The following DNAL1 variants were observed in gnomAD, a reference collection of about 807,000 sequenced individuals.
DNAL1 encodes chromosome 14 open reading frame 168.
In DNAL1, 17 loss-of-function variants were observed where a neutral mutation model predicts 29.4. That is an observed-to-expected ratio of 0.58 (90% CI 0.40 to 0.87). DNAL1 has a LOEUF of 0.87. Among genes scored for constraint, DNAL1 ranks in the 40% least tolerant of loss-of-function variants. DNAL1 has a pLI of 0.00. For missense variants in DNAL1, 188 were observed against 214.1 expected, an observed-to-expected ratio of 0.88 and a Z score of 0.76; for synonymous variants, 78 against 76.3, an observed-to-expected ratio of 1.02 and a Z score of -0.12.
rs1251803582 is a variant in DNAL1 at position 73,698,541 on chromosome 14, T to G, written c.*2599T>G. 6.6e-6 allele frequency: 1 copy of G among 152,220 alleles called. No individual in the cohort carries two copies. Among genetic ancestry groups the G allele is most frequent in the Non-Finnish European group, 1.5e-5 (1 of 68,074 alleles). 9.4% of individuals were successfully genotyped at this position (152,220 alleles called of 1,614,324 possible). On this transcript the variant is annotated 3_prime_UTR_variant, in exon 8 of 8. Transcript: ENST00000553645. ...TTCTGTTTTTTTTTGTTTGTTTGTT[T>G]GTTTGTTTTAAACAGAGTCTCACTC... is the stretch of plus-strand genomic sequence containing the variant.
chr14:73,671,893 G>A (rs1336120805), intron 5 of DNAL1, among the ~76,000 whole-genome samples: 1 of 152,016 alleles, frequency 6.6e-6, no homozygotes, highest in Non-Finnish European at 1.5e-5. Context: ...AATGTGAGAT[G>A]GAACAATAAC....
intron 1 of DNAL1, among the ~76,000 whole-genome samples, chr14:73,645,473 C>A (rs1890957782): frequency 6.6e-6 from 1 of 152,136 alleles, no homozygotes; most frequent in Non-Finnish European, 1.5e-5. Context: ...GTTTTCGTAA[C>A]CTGTGATGTA....
At chr14:73,660,744 A>G (rs1264079501) in intron 3 of DNAL1, among the ~76,000 whole-genome samples, 1 of 152,188 alleles carries the variant, frequency 6.6e-6, no homozygotes, top group East Asian at 1.9e-4. Context: ...TTTTGGCATC[A>G]GGCATGATTT....
At chr14:73,660,041 C>T (rs1264228642) in intron 3 of DNAL1, among the ~76,000 whole-genome samples, 1 of 152,206 alleles carries the variant, frequency 6.6e-6, no homozygotes, top group Non-Finnish European at 1.5e-5. Flanking sequence ...ATTCTCCTGC[C>T]TCAGCCTCCC....
At chr14:73,695,800 A>C in intron 7 of DNAL1, 102 bp from the exon 8 acceptor site, 1 of 923,076 alleles carries the variant, frequency 1.1e-6, no homozygotes, top group African/African-American at 1.7e-5. Flanking sequence ...AAGTGCTGGG[A>C]TTACAGGCGT....
At position 73,689,398 on chromosome 14, in the gene DNAL1, C is replaced by G. The variant is rs141873943; in HGVS notation, c.415C>G (p.Leu139Val). ...DWAEFVKLAELPCLEDLVFVG... is the reference protein window; with the variant it reads ...DWAEFVKLAEVPCLEDLVFVG... ...AGCTGAGTTTGTGAAGCTGGCAGAA[C>G]TGCCATGCCTCGAAGACCTGGTGTT... The change falls in exon 7 of 8, where the codon CTG (leucine) becomes GTG (valine). Residue 139 changes from leucine to valine, a missense_variant. Transcript: ENST00000553645. The G allele has an allele frequency of 2.7e-3, 4,172 of 1,553,030 alleles. 9 individuals are homozygous for G. Among genetic ancestry groups the G allele is most frequent in the Admixed American group, 4.4e-3 (225 of 51,018 alleles).
At position 73,702,295 on chromosome 14, in the gene DNAL1, A is replaced by G. The variant is rs1213767771; in HGVS notation, c.*6353A>G. On this transcript the variant is annotated 3_prime_UTR_variant, in exon 8 of 8. Coordinates refer to ENST00000553645, the MANE Select transcript of DNAL1 (RefSeq NM_031427.4). ...ACTGGGACTACAGGCGCACACCACC[A>G]TGCTTGGCTAATTTTTGTATTTTTA... The G allele has an allele frequency of 6.6e-6, 1 of 152,028 alleles. No homozygotes were observed. The highest frequency in any genetic ancestry group is 1.5e-5 in the Non-Finnish European group (1 of 68,028). The allele number at this position is 152,028 out of a possible 1,614,324, so 9.4% of individuals were successfully genotyped here.
chr14:73,690,241 T>C (rs564026416), intron 7 of DNAL1, among the ~76,000 whole-genome samples: 27 of 152,206 alleles, frequency 1.8e-4, no homozygotes, highest in African/African-American at 6.3e-4. Flanking sequence ...TTTCCTGATA[T>C]AAATTTCCTT....
intron 4 of DNAL1, among the ~76,000 whole-genome samples, chr14:73,663,340 G>T (rs947570928): frequency 6.6e-5 from 10 of 151,282 alleles, no homozygotes; most frequent in African/African-American, 2.4e-4. Flanking sequence ...TGAGTAGCTG[G>T]GATTACAGGT....
intron 6 of DNAL1, among the ~76,000 whole-genome samples, chr14:73,688,192 C>G (rs1477309794): frequency 3.3e-5 from 5 of 152,208 alleles, no homozygotes; most frequent in Non-Finnish European, 7.4e-5. Context: ...ATAATTCATT[C>G]AGTTATATGC....
At chr14:73,677,419 C>G (rs1891761930) in intron 5 of DNAL1, among the ~76,000 whole-genome samples, 1 of 151,872 alleles carries the variant, frequency 6.6e-6, no homozygotes, top group Non-Finnish European at 1.5e-5. Flanking sequence ...ACCCTCTTGC[C>G]TCAAGTCTCC....
intron 5 of DNAL1, among the ~76,000 whole-genome samples, chr14:73,680,768 T>C (rs754869149): frequency 8.5e-5 from 13 of 152,116 alleles, no homozygotes; most frequent in Admixed American, 6.6e-5. Context: ...CATCATAGAG[T>C]GTGCTTACAC....
At chr14:73,679,189 G>A (rs1023010278) in intron 5 of DNAL1, among the ~76,000 whole-genome samples, 27 of 151,944 alleles carry the variant, frequency 1.8e-4, no homozygotes, top group African/African-American at 5.8e-4. Context: ...TAGAGTCAGG[G>A]TTTCACCATA....
intron 5 of DNAL1, among the ~76,000 whole-genome samples, chr14:73,678,833 C>T (rs1279034879): frequency 6.6e-6 from 1 of 152,034 alleles, no homozygotes; most frequent in African/African-American, 2.4e-5. Flanking sequence ...GGTGGAACTT[C>T]CCTCTGTGTG....
chr14:73,683,891 G>C (rs1360991245), intron 5 of DNAL1, among the ~76,000 whole-genome samples: 1 of 151,974 alleles, frequency 6.6e-6, no homozygotes, highest in East Asian at 1.9e-4. Context: ...ATGTTTAGTA[G>C]AGACGGGGTT....
At chr14:73,669,528 GC>G (rs1399487991) in intron 4 of DNAL1, among the ~76,000 whole-genome samples, 40 of 152,110 alleles carry the variant, frequency 2.6e-4, no homozygotes, top group Non-Finnish European at 5.3e-4. Context: ...ACCCGCCTCG[GC>G]CTCCCAAAGT....
chr14:73,684,979 TAC>T (rs1233245251), intron 5 of DNAL1, among the ~76,000 whole-genome samples: 1 of 152,232 alleles, frequency 6.6e-6, no homozygotes, highest in African/African-American at 2.4e-5. Context: ...TGATATTATT[TAC>T]AGAGTAGACA....
At chr14:73,649,515 C>T (rs1891066261) in intron 1 of DNAL1, among the ~76,000 whole-genome samples, 1 of 151,736 alleles carries the variant, frequency 6.6e-6, no homozygotes, top group South Asian at 2.1e-4. Flanking sequence ...ATCTCCTGAC[C>T]TCGTGATCCG....
chr14:73,685,825 G>A (rs1052575142), intron 5 of DNAL1, among the ~76,000 whole-genome samples: 5 of 152,074 alleles, frequency 3.3e-5, no homozygotes, highest in Non-Finnish European at 7.4e-5. Context: ...TTGTTTATCC[G>A]TTTGTCTATC....
Sources: gnomAD v4.1 joint callset for allele counts (sites outside exome capture counted in the v4.1 genomes callset) on GRCh38, gnomAD v4.1.1 for gene constraint, MANE v1.5 for transcripts, NCBI Gene and HGNC (gene_info 2026-07-23, HGNC 2026-07-21) for gene names.